The following ST3GAL3 variants were observed in gnomAD, a reference collection of about 807,000 sequenced individuals.
ST3GAL3 encodes CMP-N-acetylneuraminate-beta-1,4-galactoside alpha-2,3-sialyltransferase.
A neutral mutation model predicts 50.1 loss-of-function variants in ST3GAL3; 21 were observed. That is an observed-to-expected ratio of 0.42 (90% CI 0.30 to 0.60). The LOEUF (loss-of-function observed/expected upper bound fraction) is 0.60, where lower values mean the gene tolerates loss of function less well. Among genes scored for constraint, ST3GAL3 ranks in the 20% least tolerant of loss-of-function variants. The probability of loss-of-function intolerance (pLI) is 0.19; values close to 1 mark genes in which losing one functional copy is unlikely to be tolerated. For missense variants in ST3GAL3, 353 were observed against 489.4 expected (o/e 0.72, Z 2.63); for synonymous variants, 183 against 190.0 (o/e 0.96, Z 0.30).
intron 3 of ST3GAL3, among the ~76,000 whole-genome samples, chr1:43,798,491 G>T (rs910901192): frequency 5.9e-5 from 9 of 152,102 alleles, no homozygotes; most frequent in African/African-American, 1.4e-4. Context: ...CATGCCTGTG[G>T]CTCCTTGAGG....
chr1:43,745,609 T>C (rs1161420092), intron 2 of ST3GAL3, among the ~76,000 whole-genome samples: 2 of 152,218 alleles, frequency 1.3e-5, no homozygotes, highest in Admixed American at 1.3e-4. Flanking sequence ...ATTTTTACTG[T>C]AGCTTTTCTA....
At position 43,921,230 on chromosome 1, in the gene ST3GAL3, C is replaced by T. The variant is rs575131973; in HGVS notation, c.1038+302C>T. Among the ~76,000 whole-genome samples, 5 of 152,304 alleles carry T rather than the reference C, an allele frequency of 3.3e-5. No individual in the cohort carries two copies. The East Asian group carries it at 7.7e-4, about 24-fold the overall frequency. On this transcript the variant is annotated intron_variant, in intron 11 of 11. Transcript: ENST00000347631. The stretch of plus-strand genomic sequence containing the variant: ...GCCATCCTCTCTACTGCAGTTCCTG[C>T]CTTCCCCCAGAGGACGCTATTTTCC...
intron 2 of ST3GAL3, chr1:43,738,204 G>C (rs1679293077): frequency 6.6e-6 from 1 of 152,154 alleles, no homozygotes; most frequent in Non-Finnish European, 1.5e-5. Context: ...GTTATCAAAA[G>C]AAGACAGAGA....
intron 4 of ST3GAL3, among the ~76,000 whole-genome samples, chr1:43,821,017 C>T (rs2062023022): frequency 6.6e-6 from 1 of 152,204 alleles, no homozygotes; most frequent in African/African-American, 2.4e-5. Flanking sequence ...CTGCTCCATA[C>T]CCCAGATTTC....
chr1:43,882,536 C>G (rs779826691), intron 5 of ST3GAL3, among the ~76,000 whole-genome samples: 3 of 152,186 alleles, frequency 2.0e-5, no homozygotes, highest in Non-Finnish European at 2.9e-5. Context: ...TTAGGCCCAC[C>G]TGAATCTAGG....
chr1:43,765,798 CGCGTCCGCGCGT>C (rs1692616546), intron 2 of ST3GAL3, among the ~76,000 whole-genome samples: 1 of 144,834 alleles, frequency 6.9e-6, no homozygotes, highest in African/African-American at 2.8e-5. Flanking sequence ...CGCGCGCGCG[CGCGTCCGCGCGT>C]CCGCGTGCGC....
chr1:43,902,399 A>T (rs1279634732), intron 9 of ST3GAL3, among the ~76,000 whole-genome samples: 1 of 152,178 alleles, frequency 6.6e-6, no homozygotes, highest in Non-Finnish European at 1.5e-5. Flanking sequence ...TCCTCATAGG[A>T]TATGGGAAGG....
intron 2 of ST3GAL3, among the ~76,000 whole-genome samples, chr1:43,785,121 G>T (rs890313803): frequency 3.3e-5 from 5 of 152,144 alleles, no homozygotes; most frequent in African/African-American, 9.7e-5. Context: ...GACTGGGGGG[G>T]TTAGATCCCT....
At chr1:43,874,814 A>G (rs1239842668) in intron 5 of ST3GAL3, among the ~76,000 whole-genome samples, 1 of 152,236 alleles carries the variant, frequency 6.6e-6, no homozygotes, top group Non-Finnish European at 1.5e-5. Context: ...AAGGTTATCT[A>G]TGGGAACAAG....
At position 43,886,198 on chromosome 1, in the gene ST3GAL3, T is replaced by C. The variant is rs537673307; in HGVS notation, c.303-8185T>C. Among the ~76,000 whole-genome samples, 27 of 152,292 alleles carry C rather than the reference T, an allele frequency of 1.8e-4. No individual in the cohort carries two copies. In the East Asian group the frequency reaches 4.8e-3, roughly 27 times the overall value. ...GAATTTGAAACCAGCCTAGCCAACA[T>C]GGTGAAACCCTGTCTCTACTAAAAA... On this transcript the variant is annotated intron_variant, in intron 5 of 11. Transcript: ENST00000347631.
intron 3 of ST3GAL3, among the ~76,000 whole-genome samples, chr1:43,808,065 A>G (rs1248446337): frequency 2.0e-5 from 3 of 152,120 alleles, no homozygotes; most frequent in Admixed American, 6.5e-5. Flanking sequence ...GCATTTTGGG[A>G]GGCCAAGGCA....
At chr1:43,766,136 C>T (rs3791046) in intron 2 of ST3GAL3, among the ~76,000 whole-genome samples, 13 of 151,904 alleles carry the variant, frequency 8.6e-5, no homozygotes, top group African/African-American at 2.4e-4. Flanking sequence ...GCTCCTTGCC[C>T]GGATTCACAT....
intron 3 of ST3GAL3, among the ~76,000 whole-genome samples, chr1:43,793,678 A>C (rs2058354299): frequency 6.6e-6 from 1 of 152,250 alleles, no homozygotes; most frequent in African/African-American, 2.4e-5. Flanking sequence ...AGACAGAAAG[A>C]GTTCTTAAAT....
At chr1:43,834,465 T>C (rs776966820) in intron 4 of ST3GAL3, among the ~76,000 whole-genome samples, 2 of 152,218 alleles carry the variant, frequency 1.3e-5, no homozygotes, top group Non-Finnish European at 2.9e-5. Context: ...AGGTTGGTGG[T>C]GACCTCCCTG....
At chr1:43,766,789 C>A (rs1693213072) in intron 2 of ST3GAL3, among the ~76,000 whole-genome samples, 1 of 152,122 alleles carries the variant, frequency 6.6e-6, no homozygotes, top group South Asian at 2.1e-4. Context: ...ACACAGAGGT[C>A]TCTTCTGGAA....
intron 2 of ST3GAL3, among the ~76,000 whole-genome samples, chr1:43,783,454 GCTGT>G (rs1337209050): frequency 1.3e-5 from 2 of 152,094 alleles, no homozygotes; most frequent in Non-Finnish European, 1.5e-5. Flanking sequence ...CTCTGATTGG[GCTGT>G]CTTTCATTTG....
intron 2 of ST3GAL3, chr1:43,772,421 G>A (rs562757724): frequency 4.8e-5 from 8 of 165,220 alleles, no homozygotes; most frequent in Non-Finnish European, 7.8e-5. Context: ...AATCTAGAGC[G>A]CTTGTGACAG....
intron 6 of ST3GAL3, among the ~76,000 whole-genome samples, chr1:43,897,637 G>A (rs2077578698): frequency 6.6e-6 from 1 of 152,150 alleles, no homozygotes; most frequent in Admixed American, 6.5e-5. Context: ...GTGCAGGTGG[G>A]CAGAGCCAGG....
At chr1:43,841,496 A>G (rs1285821541) in intron 5 of ST3GAL3, 1 of 152,308 alleles carries the variant, frequency 6.6e-6, no homozygotes, top group East Asian at 1.9e-4. Flanking sequence ...GCATTCTTCA[A>G]AGTGGCAGCC....
Sources: allele counts gnomAD v4.1 joint callset (sites outside exome capture counted in the v4.1 genomes callset), GRCh38; gene constraint gnomAD v4.1.1; transcripts MANE v1.5; gene names NCBI Gene and HGNC (gene_info 2026-07-23, HGNC 2026-07-21).